Variants in MAP4K1 observed in about 807,000 individuals in gnomAD.
MAP4K1 encodes the protein mitogen-activated protein kinase kinase kinase kinase 1, also known as MAPK/ERK kinase kinase kinase 1.
Under a neutral mutation model 122.8 loss-of-function variants are expected in MAP4K1, and 35 were observed. The ratio of observed to expected loss-of-function variants is 0.29; its 90% CI spans 0.22 to 0.38. The LOEUF (loss-of-function observed/expected upper bound fraction) is 0.38, where lower values mean the gene tolerates loss of function less well. Ranked by LOEUF, MAP4K1 falls within the 10% of genes least tolerant of loss-of-function variation. MAP4K1 has a pLI of 1.00. For synonymous variants in MAP4K1, 412 were observed against 421.3 expected (o/e 0.98, Z 0.27); for missense variants, 791 against 1,072.6 (o/e 0.74, Z 3.67).
At chr19:38,612,158 G>T (rs1267045987) in intron 9 of MAP4K1, among the ~76,000 whole-genome samples, 2 of 151,540 alleles carry the variant, frequency 1.3e-5, no homozygotes, top group Middle Eastern at 3.2e-3. Flanking sequence ...AGTGGTTCAC[G>T]CCTGTAATCC....
Position 38,601,440 on chromosome 19 carries a change from C to T in MAP4K1, c.1531+1G>A, listed in dbSNP as rs1363905210. 6.2e-7 allele frequency: 1 copy of T among 1,605,920 alleles called. No homozygotes were observed. Among genetic ancestry groups the T allele is most frequent in the Non-Finnish European group, 8.5e-7 (1 of 1,176,298 alleles). On this transcript the variant is annotated splice_donor_variant, in intron 20 of 30. Coordinates refer to ENST00000396857, the MANE Select transcript of MAP4K1 (RefSeq NM_001042600.3). LOFTEE classifies it high-confidence loss of function. ...TCTCCTTGACCCTCCAGAATGCCCA[C>T]CCTTGGTGGAGGGATGTGTCCAGGC...
At position 38,617,210 on chromosome 19, in the gene MAP4K1, A is replaced by T. The variant is rs1025724761; in HGVS notation, c.248+144T>A. ...CAGTGAGCTGAGATCATGCCACTGCACTCCAGCCTGGCAACAGAACAAGAC... is the reference window on the plus strand; with the variant it reads ...CAGTGAGCTGAGATCATGCCACTGCTCTCCAGCCTGGCAACAGAACAAGAC... On this transcript the variant is annotated intron_variant, in intron 3 of 30. Transcript: ENST00000396857. This position sits in a 1 kb window ranked among gnomAD's most constrained non-coding sequence, Gnocchi z 4.1. The T allele has an allele frequency of 6.3e-6, 4 of 638,966 alleles. No homozygotes were observed. Among genetic ancestry groups the T allele is most frequent in the African/African-American group, 5.5e-5 (3 of 54,632 alleles). The allele number at this position is 638,966 out of a possible 1,614,324, so 39.6% of individuals were successfully genotyped here.
At chr19:38,608,812 A>C (rs1975408734) in intron 13 of MAP4K1, among the ~76,000 whole-genome samples, 3 of 147,474 alleles carry the variant, frequency 2.0e-5, no homozygotes, top group African/African-American at 5.0e-5. Flanking sequence ...AAAAAAAAAA[A>C]AAAAAAAAAA....
intron 9 of MAP4K1, among the ~76,000 whole-genome samples, chr19:38,611,619 T>A (rs532830158): frequency 1.5e-4 from 23 of 149,320 alleles, no homozygotes; most frequent in African/African-American, 2.0e-4. Context: ...AAAAAAAAAA[T>A]TTTTTTTTTA....
intron 30 of MAP4K1, chr19:38,589,266 G>T: frequency 4.1e-6 from 1 of 243,840 alleles, no homozygotes; most frequent in Non-Finnish European, 8.5e-6. Flanking sequence ...TCGTGCCACT[G>T]CACTCCAGCC....
intron 19 of MAP4K1, among the ~76,000 whole-genome samples, chr19:38,603,389 C>G (rs1254907644): frequency 1.3e-5 from 2 of 148,934 alleles, no homozygotes; most frequent in Non-Finnish European, 3.0e-5. Flanking sequence ...TACACATGTA[C>G]ATATATATGC....
rs1010516613 is a variant in MAP4K1, at chr19:38,616,519, C to T, written c.249-260G>A. On this transcript the variant is annotated intron_variant, in intron 3 of 30. Transcript: ENST00000396857. Reference sequence around the variant, plus strand: ...AGGCCTTTGGGCGGGACCCCACTGCCGTCCCACGCCAACCTAGGAGGCAGG... The same window carrying T: ...AGGCCTTTGGGCGGGACCCCACTGCTGTCCCACGCCAACCTAGGAGGCAGG... Among the ~76,000 whole-genome samples the T allele has an allele frequency of 3.3e-5, 5 of 152,128 alleles. No homozygotes were observed. In the South Asian group the frequency reaches 8.3e-4, roughly 25 times the overall value.
chr19:38,605,342 T>TACCCC, intron 19 of MAP4K1, 67 bp downstream of exon 19: 1 of 651,968 alleles, frequency 1.5e-6, no homozygotes, highest in Non-Finnish European at 2.8e-6. Context: ...TGCCACCCCC[T>TACCCC]CCCCACCCCA....
chr19:38,589,885 C>T (rs1481393761), intron 30 of MAP4K1, among the ~76,000 whole-genome samples: 2 of 151,940 alleles, frequency 1.3e-5, no homozygotes, highest in Non-Finnish European at 1.5e-5. Flanking sequence ...CGAAAATAAG[C>T]CAGGTGTAGT....
chr19:38,603,642 TTGG>T, intron 19 of MAP4K1, among the ~76,000 whole-genome samples: 1 of 152,046 alleles, frequency 6.6e-6, no homozygotes, highest in Middle Eastern at 3.4e-3. Context: ...CAGGACCAGC[TTGG>T]GCAACATAGT....
In MAP4K1 at chr19:38,597,108, G is replaced by C; in HGVS notation, c.1867C>G (p.Leu623Val). ...ACGGACGTCTCCAATGCACCGCACA[G>C]GAACGGGCCCCCAGAGCTCGCACCC... ...AEGASSGGPF[L>V]CGALETSVVL... The change falls in exon 25 of 31, where the codon CTG (leucine) becomes GTG (valine). Residue 623 changes from leucine (L) to valine (V), a missense_variant. This residue lies in a region of MAP4K1 where 267 missense variants were observed against 323.0 expected (regional missense o/e 0.83). Coordinates refer to ENST00000396857, the MANE Select transcript of MAP4K1 (RefSeq NM_001042600.3). The surrounding 1 kb of genome is among the most constrained non-coding windows in gnomAD (Gnocchi z 4.6). The C allele has an allele frequency of 1.9e-6, 3 of 1,614,200 alleles. No individual in the cohort carries two copies. The highest frequency in any genetic ancestry group is 2.5e-6 in the Non-Finnish European group (3 of 1,180,026).
At position 38,596,019 on chromosome 19, in the gene MAP4K1, G is replaced by A. The variant is rs1428827075; in HGVS notation, c.2117-18C>T. On this transcript the variant is annotated intron_variant, in intron 26 of 30. Coordinates refer to ENST00000396857, the MANE Select transcript of MAP4K1 (RefSeq NM_001042600.3). ...CCTGTGCTCTGTTTGGGGGGAGTGG[G>A]TTAAGGATTGACCCCACCCCATTCC... 10 of 1,612,406 alleles carry A rather than the reference G, an allele frequency of 6.2e-6. No homozygotes were observed. The highest frequency in any genetic ancestry group is 3.3e-5 in the Admixed American group (2 of 59,954).
intron 30 of MAP4K1, among the ~76,000 whole-genome samples, chr19:38,590,547 C>T (rs762452208): frequency 4.7e-5 from 7 of 150,484 alleles, no homozygotes; most frequent in Non-Finnish European, 1.0e-4. Context: ...GGCGTAATCT[C>T]GGCTCACTGC....
At position 38,599,341 on chromosome 19, in the gene MAP4K1, C is replaced by A. The variant is rs145528565; in HGVS notation, c.1669+584G>T. Among the ~76,000 whole-genome samples, 958 of 111,118 alleles carry A rather than the reference C, an allele frequency of 8.6e-3. 19 individuals are homozygous for A. Among genetic ancestry groups the A allele is most frequent in the East Asian group, 0.066 (243 of 3,696 alleles). 72.9% of individuals were successfully genotyped at this position (111,118 alleles called of 152,430 possible). On this transcript the variant is annotated intron_variant, in intron 22 of 30. Coordinates refer to ENST00000396857, the MANE Select transcript of MAP4K1 (RefSeq NM_001042600.3). ...CCAGCCTGGGCAACTGAGTGAGACT[C>A]GGTCTCAAAAAAAAAAAAAAAAAAA... is the stretch of plus-strand genomic sequence containing the variant.
At chr19:38,609,699 G>C (rs775979668) in intron 12 of MAP4K1, 25 bp from the exon 13 acceptor site, 1 of 1,597,784 alleles carries the variant, frequency 6.3e-7, no homozygotes, top group South Asian at 1.1e-5. Context: ...AGCCACGTCA[G>C]GGCTCAAGAC....
At chr19:38,614,572 G>A in intron 4 of MAP4K1, 127 bp from the exon 5 acceptor site, 1 of 963,890 alleles carries the variant, frequency 1.0e-6, no homozygotes, top group Admixed American at 1.9e-5. Flanking sequence ...TAGGACCAGT[G>A]GGAGGGGGAG....
chr19:38,591,728 T>C (rs1974732889), intron 30 of MAP4K1, among the ~76,000 whole-genome samples: 1 of 151,558 alleles, frequency 6.6e-6, no homozygotes, highest in Non-Finnish European at 1.5e-5. Context: ...CCCAGCACTT[T>C]GGGAGGCCGA....
At position 38,614,986 on chromosome 19, in the gene MAP4K1, A is replaced by G. The variant is rs189048602; in HGVS notation, c.314-541T>C. 191 of 155,588 alleles carry G rather than the reference A, an allele frequency of 1.2e-3. 2 individuals carry two copies. The highest frequency in any genetic ancestry group is 3.2e-3 in the Middle Eastern group (1 of 308). 9.6% of individuals were successfully genotyped at this position (155,588 alleles called of 1,614,324 possible). On this transcript the variant is annotated intron_variant, in intron 4 of 30. Coordinates refer to ENST00000396857, the MANE Select transcript of MAP4K1 (RefSeq NM_001042600.3). Reference sequence around the variant, plus strand: ...AGAAAGAAAGTAAGCAAGATAAATAAGTAGAATATGATATAGTTCCTCAGA... The same window carrying G: ...AGAAAGAAAGTAAGCAAGATAAATAGGTAGAATATGATATAGTTCCTCAGA...
chr19:38,589,695 G>A (rs1244438171), intron 30 of MAP4K1, among the ~76,000 whole-genome samples: 4 of 152,086 alleles, frequency 2.6e-5, no homozygotes, highest in Non-Finnish European at 2.9e-5. Flanking sequence ...GATTACAGGC[G>A]TGAGCCACCG....
Sources: allele counts gnomAD v4.1 joint callset (sites outside exome capture counted in the v4.1 genomes callset), GRCh38; gene constraint gnomAD v4.1.1; regional missense constraint gnomAD v4.1.1; non-coding constraint Gnocchi (gnomAD v3.1); transcripts MANE v1.5; gene names NCBI Gene and HGNC (gene_info 2026-07-23, HGNC 2026-07-21).